COMMD1: variants seen among roughly 807,000 people sequenced by gnomAD.
COMMD1 encodes the protein COMM domain-containing protein 1.
A neutral mutation model predicts 17.2 loss-of-function variants in COMMD1; 10 were observed. The ratio of observed to expected loss-of-function variants is 0.58; its 90% confidence interval spans 0.36 to 0.99. The LOEUF (loss-of-function observed/expected upper bound fraction) is 0.99, where lower values mean the gene tolerates loss of function less well. COMMD1 is among the 50% of genes least tolerant of loss of function. The probability of loss-of-function intolerance (pLI) is 0.01; values close to 1 mark genes in which losing one functional copy is unlikely to be tolerated. For synonymous variants in COMMD1, 97 were observed against 91.6 expected (o/e 1.06, Z -0.34); for missense variants, 270 against 231.8 (o/e 1.17, Z -1.07).
rs550667420 is a variant in COMMD1, at chr2:61,910,973, C to T, written c.180+5115C>T. 4.0e-5 allele frequency among the ~76,000 whole-genome samples: 6 copies of T among 151,746 alleles called. No individual in the cohort carries two copies. In the East Asian group the frequency reaches 7.8e-4, roughly 20 times the overall value. Reference sequence around the variant, plus strand: ...TGGTTCATGCCTGCAATCCCAGCTACTCGAGAGGCTGGGGTGGGAGAATCA... The same window carrying T: ...TGGTTCATGCCTGCAATCCCAGCTATTCGAGAGGCTGGGGTGGGAGAATCA... On this transcript the variant is annotated intron_variant, in intron 1 of 2. Transcript: ENST00000311832.
At chr2:62,066,282 T>C (rs1368007198) in intron 2 of COMMD1, among the ~76,000 whole-genome samples, 2 of 152,048 alleles carry the variant, frequency 1.3e-5, no homozygotes, top group Non-Finnish European at 1.5e-5. Context: ...GATCTTTGTT[T>C]AGCATTCAGA....
At chr2:61,957,089 T>C (rs112252149) in intron 1 of COMMD1, among the ~76,000 whole-genome samples, 5 of 122,212 alleles carry the variant, frequency 4.1e-5, no homozygotes, top group Non-Finnish European at 8.0e-5. Context: ...GATGGATGCG[T>C]GTGTGTGTGT....
intron 2 of COMMD1, among the ~76,000 whole-genome samples, chr2:62,051,934 C>G (rs1670547591): frequency 6.6e-6 from 1 of 152,198 alleles, no homozygotes; most frequent in African/African-American, 2.4e-5. Context: ...ATACAAATGG[C>G]TCTTCAGACA....
intron 2 of COMMD1, among the ~76,000 whole-genome samples, chr2:62,086,936 G>A (rs1303747216): frequency 6.6e-6 from 1 of 151,748 alleles, no homozygotes; most frequent in Non-Finnish European, 1.5e-5. Flanking sequence ...GCTCACTGCA[G>A]CCTCTGCCTC....
In COMMD1 at chr2:61,905,740, A is replaced by G. The variant is rs1364376502; in HGVS notation, c.62A>G (p.Gln21Arg). 8 of 1,613,378 alleles carry G rather than the reference A, an allele frequency of 5.0e-6. No homozygotes were observed. Among genetic ancestry groups the G allele is most frequent in the African/African-American group, 1.3e-5 (1 of 74,918 alleles). ...AGCGGGCTGCTGAATGCGCTGGCCC[A>G]GGACACTTTCCACGGGTACCCCGGC... ...PLSGLLNALA[Q>R]DTFHGYPGIT... The change falls in exon 1 of 3, where the codon CAG (glutamine) becomes CGG (arginine). Residue 21 changes from glutamine to arginine, a missense_variant. By Grantham distance (43) the Gln-to-Arg change is conservative. Transcript: ENST00000311832.
At chr2:61,935,299 A>C (rs1342809562) in intron 1 of COMMD1, among the ~76,000 whole-genome samples, 1 of 152,248 alleles carries the variant, frequency 6.6e-6, no homozygotes, top group Admixed American at 6.5e-5. Context: ...ACAGTCTGAT[A>C]ACCCAGGAAG....
At chr2:61,963,169 AAT>A (rs1213442635) in intron 1 of COMMD1, among the ~76,000 whole-genome samples, 23 of 143,538 alleles carry the variant, frequency 1.6e-4, no homozygotes, top group Admixed American at 6.3e-4. Context: ...CAAAAAAAAA[AAT>A]ATATATATAT....
At chr2:61,904,533 A>C (rs955797552), upstream of COMMD1, among the ~76,000 whole-genome samples, 3 of 152,204 alleles carry the variant, frequency 2.0e-5, no homozygotes, top group African/African-American at 7.2e-5. Context: ...CATTTGTAGA[A>C]GTCACAGGTG....
intron 2 of COMMD1, among the ~76,000 whole-genome samples, chr2:62,049,842 G>A (rs1670490246): frequency 6.6e-6 from 1 of 152,088 alleles, no homozygotes; most frequent in Non-Finnish European, 1.5e-5. Context: ...TAATGGCTAA[G>A]GTTGGAAGTT....
At chr2:62,132,386 T>C (rs1458627221) in intron 2 of COMMD1, among the ~76,000 whole-genome samples, 1 of 152,248 alleles carries the variant, frequency 6.6e-6, no homozygotes, top group Non-Finnish European at 1.5e-5. Context: ...TTGTTCCTGG[T>C]AATTTCTTTG....
chr2:61,962,577 T>C (rs1054700302), intron 1 of COMMD1, among the ~76,000 whole-genome samples: 1 of 152,190 alleles, frequency 6.6e-6, no homozygotes, highest in African/African-American at 2.4e-5. Flanking sequence ...AGTTAAATCA[T>C]GTGACCAGTT....
chr2:61,901,404 C>A (rs932785759), upstream of COMMD1, among the ~76,000 whole-genome samples: 3 of 151,770 alleles, frequency 2.0e-5, no homozygotes, highest in Non-Finnish European at 2.9e-5. Context: ...GGGTGGATCA[C>A]CTGAGGCCAG....
At chr2:62,045,057 A>G (rs553035188) in intron 2 of COMMD1, among the ~76,000 whole-genome samples, 2 of 152,166 alleles carry the variant, frequency 1.3e-5, no homozygotes, top group Admixed American at 6.5e-5. Context: ...GAGGCTGGCC[A>G]TGTGGGAAAA....
chr2:61,936,892 C>T (rs915759728), intron 1 of COMMD1, among the ~76,000 whole-genome samples: 3 of 152,148 alleles, frequency 2.0e-5, no homozygotes, highest in Non-Finnish European at 4.4e-5. Flanking sequence ...GACATGTGCC[C>T]AGGGTAGTCT....
At chr2:61,997,899 T>C (rs531638042) in intron 1 of COMMD1, among the ~76,000 whole-genome samples, 2 of 152,354 alleles carry the variant, frequency 1.3e-5, no homozygotes, top group South Asian at 4.1e-4. Flanking sequence ...TTTTCCGATA[T>C]ATGGCTATTT....
intron 1 of COMMD1, among the ~76,000 whole-genome samples, chr2:61,961,010 C>T (rs567039313): frequency 3.3e-5 from 5 of 152,300 alleles, no homozygotes; most frequent in East Asian, 1.9e-4. Context: ...CGGGGGCTGC[C>T]GCAAAGGGCA....
At chr2:62,042,837 A>T (rs1334048961) in intron 2 of COMMD1, among the ~76,000 whole-genome samples, 1 of 152,228 alleles carries the variant, frequency 6.6e-6, no homozygotes, top group African/African-American at 2.4e-5. Context: ...TAATGGTGCC[A>T]CTAGTAAAAG....
intron 1 of COMMD1, among the ~76,000 whole-genome samples, chr2:61,971,644 G>C (rs1671655000): frequency 6.6e-6 from 1 of 152,064 alleles, no homozygotes; most frequent in Admixed American, 6.6e-5. Flanking sequence ...GGCTAGTCTT[G>C]AACTCCTGGG....
chr2:62,074,297 G>A (rs1385798435), intron 2 of COMMD1, among the ~76,000 whole-genome samples: 2 of 152,182 alleles, frequency 1.3e-5, no homozygotes, highest in East Asian at 3.8e-4. Context: ...CCTCTGTCCC[G>A]AGGTTGGGCT....
Sources: allele counts gnomAD v4.1 joint callset (sites outside exome capture counted in the v4.1 genomes callset), GRCh38; gene constraint gnomAD v4.1.1; transcripts MANE v1.5; gene names NCBI Gene and HGNC (gene_info 2026-07-23, HGNC 2026-07-21).